The following CLPB variants were observed in gnomAD, a reference collection of about 807,000 sequenced individuals.
CLPB encodes the protein ClpB family mitochondrial disaggregase, also known as mitochondrial disaggregase.
In CLPB, 40 loss-of-function variants were observed where a neutral mutation model predicts 78.4. The observed-to-expected ratio is 0.51, with a 90% confidence interval of 0.40 to 0.66. The LOEUF (loss-of-function observed/expected upper bound fraction) is 0.66. Among genes scored for constraint, CLPB ranks in the 30% least tolerant of loss-of-function variants. The probability of loss-of-function intolerance (pLI) is 0.00; values close to 1 mark genes in which losing one functional copy is unlikely to be tolerated. For missense variants in CLPB, 780 were observed against 886.9 expected, an observed-to-expected ratio of 0.88 and a Z score of 1.53; for synonymous variants, 333 against 348.0, an observed-to-expected ratio of 0.96 and a Z score of 0.48.
intron 2 of CLPB, among the ~76,000 whole-genome samples, chr11:72,425,368 T>G (rs1452277051): frequency 6.6e-6 from 1 of 152,234 alleles, no homozygotes; most frequent in Non-Finnish European, 1.5e-5. Context: ...ATTGGCTGAA[T>G]GAATTAATCA....
chr11:72,333,489 A>G (rs1042205618), intron 5 of CLPB, among the ~76,000 whole-genome samples: 1 of 152,164 alleles, frequency 6.6e-6, no homozygotes, highest in Non-Finnish European at 1.5e-5. Context: ...CTCTCCTTTG[A>G]GTTCTATAAA....
chr11:72,424,090 A>C (rs1856291005), intron 2 of CLPB, among the ~76,000 whole-genome samples: 1 of 152,254 alleles, frequency 6.6e-6, no homozygotes, highest in Non-Finnish European at 1.5e-5. Context: ...AAACAGACAA[A>C]GACAGTGGCC....
chr11:72,410,350 G>T (rs1050646228), intron 2 of CLPB, among the ~76,000 whole-genome samples: 15 of 152,090 alleles, frequency 9.9e-5, no homozygotes, highest in African/African-American at 3.4e-4. Context: ...GATAGCTCCT[G>T]CTCTCTAAGC....
At chr11:72,390,037 C>T (rs1031074346) in intron 3 of CLPB, among the ~76,000 whole-genome samples, 5 of 152,188 alleles carry the variant, frequency 3.3e-5, no homozygotes, top group African/African-American at 4.8e-5. Context: ...GTCTATGGCA[C>T]AAGTATGTTA....
rs148534573 is a variant in CLPB at position 72,317,205 on chromosome 11, G to A, written c.889C>T (p.Arg297Trp). The A allele has an allele frequency of 4.1e-4, 658 of 1,610,116 alleles. 1 individual carries two copies. Among genetic ancestry groups the A allele is most frequent in the Non-Finnish European group, 5.2e-4 (617 of 1,178,604 alleles). Residue 297 changes from arginine to tryptophan, a missense_variant, in exon 7 of 16, where the codon CGG becomes TGG. Arg to Trp is a moderately radical substitution (Grantham distance 101). Around this residue, in one of 3 missense-constraint regions of CLPB, gnomAD observed 417 missense variants for 414.7 expected, o/e 1.01. Transcript: ENST00000538039. ...TSEAKYQEKQ[R>W]KREAEERRRF... Reference sequence around the variant, plus strand: ...CGCCGCTCCTCAGCCTCACGCTTCCGCTGCTTCTCTTGGTACTGTGGGGAG... The same window carrying A: ...CGCCGCTCCTCAGCCTCACGCTTCCACTGCTTCTCTTGGTACTGTGGGGAG...
intron 4 of CLPB, among the ~76,000 whole-genome samples, chr11:72,364,277 T>C (rs1477924506): frequency 6.6e-6 from 1 of 152,082 alleles, no homozygotes; most frequent in African/African-American, 2.4e-5. Context: ...CACTGCAACC[T>C]CCGCAACACT....
At chr11:72,422,123 C>G (rs1285377850) in intron 2 of CLPB, among the ~76,000 whole-genome samples, 3 of 151,902 alleles carry the variant, frequency 2.0e-5, no homozygotes, top group Admixed American at 2.0e-4. Context: ...AAAAATTGGC[C>G]GGGCGTGGTG....
intron 3 of CLPB, among the ~76,000 whole-genome samples, chr11:72,397,518 C>G (rs1442324564): frequency 2.6e-5 from 4 of 152,052 alleles, no homozygotes; most frequent in African/African-American, 9.7e-5. Context: ...TGTTCTGTAT[C>G]CTTGTCAGCC....
intron 1 of CLPB, among the ~76,000 whole-genome samples, chr11:72,431,253 G>C (rs147435314): frequency 1.3e-5 from 2 of 152,288 alleles, no homozygotes; most frequent in African/African-American, 4.8e-5. Context: ...TCAATACCAG[G>C]TACATGGAGC....
At chr11:72,383,359 C>CTAAAAAA (rs1241004018) in intron 3 of CLPB, among the ~76,000 whole-genome samples, 3 of 151,578 alleles carry the variant, frequency 2.0e-5, no homozygotes, top group African/African-American at 7.3e-5. Context: ...CCCGTCTCTA[C>CTAAAAAA]TAAAAAATAA....
At chr11:72,360,310 T>C (rs1404871949) in intron 4 of CLPB, among the ~76,000 whole-genome samples, 1 of 152,212 alleles carries the variant, frequency 6.6e-6, no homozygotes, top group Admixed American at 6.5e-5. Flanking sequence ...ATCTTACCTA[T>C]GTAGTCAAAA....
At chr11:72,307,873 T>G (rs1463170356) in intron 8 of CLPB, among the ~76,000 whole-genome samples, 1 of 152,058 alleles carries the variant, frequency 6.6e-6, no homozygotes, top group East Asian at 1.9e-4. Flanking sequence ...TTTGGGGGCC[T>G]ACATCTGAGG....
At chr11:72,421,315 TAA>T (rs1270470667) in intron 2 of CLPB, among the ~76,000 whole-genome samples, 1 of 152,128 alleles carries the variant, frequency 6.6e-6, no homozygotes, top group Non-Finnish European at 1.5e-5. Flanking sequence ...CCTTCCCTAC[TAA>T]ACTCTCTGCT....
Position 72,403,019 on chromosome 11 carries a change from C to A in CLPB, c.489G>T (p.Lys163Asn). 1.2e-6 allele frequency: 2 copies of A among 1,613,644 alleles called. 1 individual carries two copies. Among genetic ancestry groups the A allele is most frequent in the South Asian group, 2.2e-5 (2 of 91,052 alleles). The change falls in exon 3 of 16, where the codon AAG becomes AAT. Residue 163 changes from lysine to asparagine, a missense_variant. Lys to Asn is a moderately conservative substitution (Grantham distance 94). This residue lies in a region of CLPB where 417 missense variants were observed against 414.7 expected (regional missense o/e 1.01). Coordinates refer to ENST00000538039, the MANE Select transcript of CLPB (RefSeq NM_001258392.3). ...TGAGTGCTGTCCAGCCAAGTCTGTG[C>A]TTTGCATTGACATCTGCACCTTCTG... The part of the protein sequence containing the change: ...LLSEGADVNA[K>N]HRLGWTALMV...
chr11:72,339,378 A>T (rs1019123438), intron 5 of CLPB, among the ~76,000 whole-genome samples: 2 of 152,238 alleles, frequency 1.3e-5, no homozygotes, highest in Admixed American at 6.5e-5. Context: ...AAGGGCCATC[A>T]TGTTAAATTG....
chr11:72,361,361 T>C (rs1196730954), intron 4 of CLPB, among the ~76,000 whole-genome samples: 1 of 152,108 alleles, frequency 6.6e-6, no homozygotes, highest in Non-Finnish European at 1.5e-5. Context: ...AAGTCCCATG[T>C]GCAATGGCAT....
intron 15 of CLPB, 144 bp downstream of exon 15, chr11:72,293,878 T>C (rs1401415523): frequency 5.2e-6 from 4 of 766,854 alleles, no homozygotes; most frequent in Non-Finnish European, 4.3e-6. Flanking sequence ...CATGTGTTTA[T>C]GGTTCTGAAT....
intron 5 of CLPB, among the ~76,000 whole-genome samples, chr11:72,343,726 A>G (rs1320354725): frequency 6.6e-6 from 1 of 152,140 alleles, no homozygotes; most frequent in African/African-American, 2.4e-5. Context: ...TCCCTCATTA[A>G]TTCTGAGGAT....
intron 3 of CLPB, among the ~76,000 whole-genome samples, chr11:72,397,858 T>G (rs1268543381): frequency 6.6e-6 from 1 of 152,180 alleles, no homozygotes; most frequent in Non-Finnish European, 1.5e-5. Context: ...TATACTCTAA[T>G]TAAGGGACTA....
Sources: gnomAD v4.1 joint callset for allele counts (sites outside exome capture counted in the v4.1 genomes callset) on GRCh38, gnomAD v4.1.1 for gene constraint, gnomAD v4.1.1 regional missense constraint, MANE v1.5 for transcripts, NCBI Gene and HGNC (gene_info 2026-07-23, HGNC 2026-07-21) for gene names.